Variants in CHD6 observed in about 807,000 individuals in gnomAD.
The protein encoded by CHD6 is chromodomain helicase DNA binding protein 6.
Under a neutral mutation model 276.9 loss-of-function variants are expected in CHD6, and 50 were observed. That is an observed-to-expected ratio of 0.18 (90% CI 0.14 to 0.23). The LOEUF is 0.23. Ranked by LOEUF, CHD6 falls within the 10% of genes least tolerant of loss-of-function variation. The probability of loss-of-function intolerance (pLI) is 1.00; values close to 1 mark genes in which losing one functional copy is unlikely to be tolerated. For synonymous variants in CHD6, 1,173 were observed against 1,229.3 expected (o/e 0.95, Z 0.96); for missense variants, 2,564 against 3,365.8 (o/e 0.76, Z 5.89).
chr20:41,532,838 G>C (rs1489172437), intron 3 of CHD6, among the ~76,000 whole-genome samples: 1 of 152,230 alleles, frequency 6.6e-6, no homozygotes, highest in African/African-American at 2.4e-5. Flanking sequence ...CACGACTTTA[G>C]AAATGCAATG....
At chr20:41,537,890 T>C (rs1475197351) in intron 2 of CHD6, among the ~76,000 whole-genome samples, 4 of 143,338 alleles carry the variant, frequency 2.8e-5, no homozygotes, top group African/African-American at 5.3e-5. Flanking sequence ...CACACACACA[T>C]ATACACAGAA....
chr20:41,477,786 T>G (rs1262341720), intron 16 of CHD6, among the ~76,000 whole-genome samples: 4 of 152,192 alleles, frequency 2.6e-5, no homozygotes, highest in Non-Finnish European at 5.9e-5. Flanking sequence ...TTGGTGGCAC[T>G]AGGTATCCCC....
At chr20:41,609,221 G>A (rs1412009693) in intron 1 of CHD6, among the ~76,000 whole-genome samples, 1 of 152,138 alleles carries the variant, frequency 6.6e-6, no homozygotes, top group African/African-American at 2.4e-5. Context: ...GCTGAGGCAG[G>A]AGGATCATTT....
chr20:41,485,499 T>C (rs528206012), intron 14 of CHD6: 6 of 152,294 alleles, frequency 3.9e-5, no homozygotes, highest in Admixed American at 6.5e-5. Context: ...TGCTGCGAGA[T>C]TGCTTCCTGA....
intron 17 of CHD6, among the ~76,000 whole-genome samples, chr20:41,472,772 T>A (rs978326191): frequency 6.6e-6 from 1 of 152,202 alleles, no homozygotes; most frequent in African/African-American, 2.4e-5. Context: ...AGCCACCGGT[T>A]ATTTAGTTTG....
chr20:41,535,262 CA>C (rs1320412528), intron 2 of CHD6, among the ~76,000 whole-genome samples: 1 of 152,150 alleles, frequency 6.6e-6, no homozygotes, highest in Admixed American at 6.5e-5. Flanking sequence ...CTGCAGCTAA[CA>C]TTTATTGAAA....
At chr20:41,459,725 G>C (rs990634123) in intron 17 of CHD6, among the ~76,000 whole-genome samples, 5 of 152,256 alleles carry the variant, frequency 3.3e-5, no homozygotes, top group African/African-American at 1.2e-4. Flanking sequence ...ATGTGGAACT[G>C]TAAGTCCAAT....
chr20:41,436,033 G>A (rs1400922851), intron 27 of CHD6, among the ~76,000 whole-genome samples: 1 of 152,006 alleles, frequency 6.6e-6, no homozygotes, highest in Non-Finnish European at 1.5e-5. Context: ...ATGTTGCCCA[G>A]GCTAGTCTTG....
Position 41,445,669 on chromosome 20 carries a change from C to A in CHD6, c.3873G>T (p.Lys1291Asn). 1 of 1,609,774 alleles carries A rather than the reference C, an allele frequency of 6.2e-7. No individual in the cohort carries two copies. Among genetic ancestry groups the A allele is most frequent in the Non-Finnish European group, 8.5e-7 (1 of 1,176,096 alleles). The change falls in exon 25 of 37, where the codon AAG becomes AAT. Residue 1291 changes from lysine to asparagine, a missense_variant. This residue lies in a region of CHD6 where 515 missense variants were observed against 739.5 expected (regional missense o/e 0.70). Coordinates refer to ENST00000373233, the MANE Select transcript of CHD6 (RefSeq NM_032221.5). ...CGCCTTCAGAGAAATACACACCATG[C>A]TTGAACACGCCAATGAGAAGTGACT... is the stretch of plus-strand genomic sequence containing the variant. ...ADKSLLIGVFKHGYERYNAMR... is the reference protein window; with the variant it reads ...ADKSLLIGVFNHGYERYNAMR...
intron 1 of CHD6, among the ~76,000 whole-genome samples, chr20:41,594,471 T>C (rs2045697567): frequency 6.6e-6 from 1 of 152,240 alleles, no homozygotes. Flanking sequence ...TTTGACTATC[T>C]GGAAAACTCC....
chr20:41,562,890 A>T (rs1053722598), intron 1 of CHD6, among the ~76,000 whole-genome samples: 4 of 152,208 alleles, frequency 2.6e-5, no homozygotes, highest in Admixed American at 6.5e-5. Flanking sequence ...TGGACTAAAA[A>T]TCCATCTCTC....
intron 1 of CHD6, among the ~76,000 whole-genome samples, chr20:41,584,597 A>C (rs2045573624): frequency 6.6e-6 from 1 of 152,162 alleles, no homozygotes; most frequent in African/African-American, 2.4e-5. Flanking sequence ...ACCTCAACAA[A>C]TTTGAAAGAA....
At chr20:41,465,167 A>G (rs908873628) in intron 17 of CHD6, among the ~76,000 whole-genome samples, 3 of 152,260 alleles carry the variant, frequency 2.0e-5, no homozygotes, top group African/African-American at 7.2e-5. Context: ...GGACAGAAGT[A>G]GGATGAAAAA....
intron 17 of CHD6, among the ~76,000 whole-genome samples, chr20:41,472,157 C>T (rs1318985663): frequency 6.6e-6 from 1 of 151,812 alleles, no homozygotes; most frequent in East Asian, 1.9e-4. Context: ...AAGAGAATCG[C>T]TTGAACCTGG....
intron 1 of CHD6, among the ~76,000 whole-genome samples, chr20:41,585,511 C>CAAAAAAAA (rs60920576): frequency 1.3e-4 from 10 of 74,176 alleles, no homozygotes; most frequent in Non-Finnish European, 1.9e-4. Flanking sequence ...TCCGTCTCAC[C>CAAAAAAAA]AAAAAAAAAA....
intron 16 of CHD6, among the ~76,000 whole-genome samples, chr20:41,480,034 T>C (rs2043259285): frequency 6.6e-6 from 1 of 152,234 alleles, no homozygotes; most frequent in African/African-American, 2.4e-5. Flanking sequence ...TCTCAAATCC[T>C]GCGAATAGAT....
chr20:41,566,197 T>C (rs1042966829), intron 1 of CHD6, among the ~76,000 whole-genome samples: 1 of 152,162 alleles, frequency 6.6e-6, no homozygotes, highest in African/African-American at 2.4e-5. Context: ...GGCAGCCAGG[T>C]TGGAGGACCT....
At chr20:41,460,115 T>G (rs6124349) in intron 17 of CHD6, among the ~76,000 whole-genome samples, 2 of 152,158 alleles carry the variant, frequency 1.3e-5, no homozygotes, top group Non-Finnish European at 2.9e-5. Flanking sequence ...CCCTCGAGAT[T>G]TGCGGAACTT....
At chr20:41,564,142 GACACATGGGCTAAAAACAAAAAGTT>G (rs1157447816) in intron 1 of CHD6, 1 of 758,924 alleles carries the variant, frequency 1.3e-6, no homozygotes, top group Non-Finnish European at 2.4e-6. Context: ...ATATGAGACT[GACACATGGGCTAAAAACAAAAAGTT>G]ACTCTGTTAA....
Sources: gnomAD v4.1 joint callset for allele counts (sites outside exome capture counted in the v4.1 genomes callset) on GRCh38, gnomAD v4.1.1 for gene constraint, gnomAD v4.1.1 regional missense constraint, MANE v1.5 for transcripts, NCBI Gene and HGNC (gene_info 2026-07-23, HGNC 2026-07-21) for gene names.